Variants in DLGAP2 observed in about 807,000 individuals in gnomAD.
DLGAP2 encodes the protein disks large-associated protein 2.
A neutral mutation model predicts 100.3 loss-of-function variants in DLGAP2; 26 were observed. The ratio of observed to expected loss-of-function variants is 0.26; its 90% CI spans 0.19 to 0.36. DLGAP2 has a LOEUF of 0.36. DLGAP2 is among the 10% of genes least tolerant of loss of function. The pLI is 1.00. For missense variants in DLGAP2, 1,858 were observed against 1,453.2 expected (o/e 1.28, Z -4.53); for synonymous variants, 886 against 630.1 (o/e 1.41, Z -6.08).
chr8:1,064,315 A>G (rs940840152), intron 2 of DLGAP2, among the ~76,000 whole-genome samples: 1 of 152,228 alleles, frequency 6.6e-6, no homozygotes, highest in Non-Finnish European at 1.5e-5. Flanking sequence ...CAGTGTTCAG[A>G]TTGGAAAAAT....
Position 1,388,264 on chromosome 8 carries a change from G to C in DLGAP2, c.107-113102G>C, listed in dbSNP as rs979593557. Among the ~76,000 whole-genome samples, 3 of 125,308 alleles carry C rather than the reference G, an allele frequency of 2.4e-5. No homozygotes were observed. In the Admixed American group the frequency reaches 2.5e-4, roughly 11 times the overall value. 82.2% of individuals were successfully genotyped at this position (125,308 alleles called of 152,430 possible). On this transcript the variant is annotated intron_variant, in intron 3 of 14. Coordinates refer to ENST00000637795, the MANE Select transcript of DLGAP2 (RefSeq NM_001346810.2). ...TGTAAGAGGCAGAGGCCGTGGATGA[G>C]GAGGCGCTGGTTCAGGTGTCAGGGC... is the stretch of plus-strand genomic sequence containing the variant.
intron 2 of DLGAP2, among the ~76,000 whole-genome samples, chr8:916,141 C>T (rs764929489): frequency 5.3e-5 from 8 of 152,200 alleles, no homozygotes; most frequent in Middle Eastern, 3.2e-3. Context: ...TCACTGTAGA[C>T]GCTCCGCACT....
chr8:946,295 A>G (rs575753915), intron 2 of DLGAP2, among the ~76,000 whole-genome samples: 61 of 141,928 alleles, frequency 4.3e-4, no homozygotes, highest in African/African-American at 7.4e-4. Flanking sequence ...TGACAGTCTC[A>G]CTCTGTCATC....
chr8:777,015 T>G (rs1454633233), intron 1 of DLGAP2, among the ~76,000 whole-genome samples: 1 of 152,130 alleles, frequency 6.6e-6, no homozygotes, highest in African/African-American at 2.4e-5. Context: ...CAGGACTTGC[T>G]TTATGAATCT....
intron 6 of DLGAP2, among the ~76,000 whole-genome samples, chr8:1,575,176 C>A (rs527705328): frequency 6.6e-6 from 1 of 152,298 alleles, no homozygotes; most frequent in Non-Finnish European, 1.5e-5. Context: ...ATCCACTCAC[C>A]CTTTGATGAC....
At chr8:1,115,685 T>A (rs1052595563) in intron 2 of DLGAP2, among the ~76,000 whole-genome samples, 1 of 152,204 alleles carries the variant, frequency 6.6e-6, no homozygotes, top group African/African-American at 2.4e-5. Context: ...GTGTCTGTGC[T>A]GCCAGGGATC....
At chr8:1,467,590 G>A (rs533823401) in intron 3 of DLGAP2, among the ~76,000 whole-genome samples, 34 of 152,284 alleles carry the variant, frequency 2.2e-4, no homozygotes, top group Admixed American at 5.2e-4. Context: ...GTGCACAGAG[G>A]GAGGGTTTCA....
chr8:1,167,669 G>A (rs1797044443), intron 2 of DLGAP2, among the ~76,000 whole-genome samples: 1 of 152,148 alleles, frequency 6.6e-6, no homozygotes, highest in Non-Finnish European at 1.5e-5. Context: ...AGGGTAGTAG[G>A]CACGCAATGG....
At chr8:1,174,279 T>C (rs1455420382) in intron 2 of DLGAP2, among the ~76,000 whole-genome samples, 1 of 147,212 alleles carries the variant, frequency 6.8e-6, no homozygotes, top group Non-Finnish European at 1.5e-5. Flanking sequence ...ATCACCACCA[T>C]CATCACCACC....
chr8:1,115,418 T>C (rs1224490036), intron 2 of DLGAP2, among the ~76,000 whole-genome samples: 1 of 152,218 alleles, frequency 6.6e-6, no homozygotes, highest in Non-Finnish European at 1.5e-5. Flanking sequence ...TCTTGTTGAA[T>C]TGAACCCTTT....
intron 3 of DLGAP2, among the ~76,000 whole-genome samples, chr8:1,377,102 G>A (rs1382582505): frequency 6.6e-6 from 1 of 152,230 alleles, no homozygotes; most frequent in African/African-American, 2.4e-5. Context: ...GGAGCTTCCA[G>A]ATAGGCGTGT....
chr8:1,437,175 A>T (rs1423020237), intron 3 of DLGAP2, among the ~76,000 whole-genome samples: 4 of 149,762 alleles, frequency 2.7e-5, no homozygotes, highest in Non-Finnish European at 5.9e-5. Flanking sequence ...CGTAAGGGTG[A>T]CGCCATCCGG....
intron 2 of DLGAP2, among the ~76,000 whole-genome samples, chr8:1,116,671 C>T (rs1000635425): frequency 6.6e-6 from 1 of 152,100 alleles, no homozygotes; most frequent in African/African-American, 2.4e-5. Flanking sequence ...GGTGGCATGC[C>T]TGTAGTCCCA....
chr8:1,526,973 G>A (rs934800739), intron 4 of DLGAP2, among the ~76,000 whole-genome samples: 7 of 152,226 alleles, frequency 4.6e-5, no homozygotes, highest in South Asian at 2.1e-4. Context: ...TGCAAGCAGC[G>A]GGTGCCGTCA....
At chr8:1,662,536 T>C (rs1446506250) in intron 8 of DLGAP2, among the ~76,000 whole-genome samples, 1 of 152,200 alleles carries the variant, frequency 6.6e-6, no homozygotes, top group African/African-American at 2.4e-5. Context: ...ATGTAAATGG[T>C]CACAAAAAAG....
At chr8:902,603 G>C (rs953833789) in intron 1 of DLGAP2, among the ~76,000 whole-genome samples, 7 of 66,286 alleles carry the variant, frequency 1.1e-4, no homozygotes. Flanking sequence ...CTGGTGGCAC[G>C]AGGAGATGGA....
At chr8:764,724 A>T (rs1432687226) in intron 1 of DLGAP2, among the ~76,000 whole-genome samples, 1 of 152,212 alleles carries the variant, frequency 6.6e-6, no homozygotes, top group Non-Finnish European at 1.5e-5. Flanking sequence ...GTAGTAGAGG[A>T]ATGACTTGTG....
chr8:997,167 TCA>T (rs527906023), intron 2 of DLGAP2, among the ~76,000 whole-genome samples: 41 of 152,354 alleles, frequency 2.7e-4, no homozygotes, highest in Middle Eastern at 3.4e-3. Context: ...CTCATGATCC[TCA>T]GTTTCTGAGT....
rs536710160 is a variant in DLGAP2 at position 1,263,531 on chromosome 8, G to A, written c.106+4648G>A. ...TAATCAAGATATTGGGAAAGTTTTC[G>A]TGCAGTTAGTAGCATTAAGTTCTTG... On this transcript the variant is annotated intron_variant, in intron 3 of 14. Coordinates refer to ENST00000637795, the MANE Select transcript of DLGAP2 (RefSeq NM_001346810.2). Among the ~76,000 whole-genome samples the A allele has an allele frequency of 3.3e-5, 5 of 152,246 alleles. No individual in the cohort carries two copies. In the South Asian group the frequency reaches 8.3e-4, roughly 25 times the overall value.
Sources: allele counts gnomAD v4.1 joint callset (sites outside exome capture counted in the v4.1 genomes callset), GRCh38; gene constraint gnomAD v4.1.1; transcripts MANE v1.5; gene names NCBI Gene and HGNC (gene_info 2026-07-23, HGNC 2026-07-21).